TNS3: variants seen among roughly 807,000 people sequenced by gnomAD.
TNS3 encodes tensin-3.
A neutral mutation model predicts 140.9 loss-of-function variants in TNS3; 45 were observed. The observed-to-expected ratio is 0.32, with a 90% CI of 0.25 to 0.41. TNS3 has a LOEUF of 0.41. Ranked by LOEUF, TNS3 falls within the 10% of genes least tolerant of loss-of-function variation. The pLI, the probability that TNS3 is intolerant of heterozygous loss-of-function variation, is 1.00. For synonymous variants in TNS3, 815 were observed against 788.4 expected (o/e 1.03, Z -0.56); for missense variants, 1,716 against 1,906.7 (o/e 0.90, Z 1.86).
chr7:47,540,590 G>A (rs1302949040), intron 1 of TNS3, among the ~76,000 whole-genome samples: 7 of 152,082 alleles, frequency 4.6e-5, no homozygotes, highest in Non-Finnish European at 7.4e-5. Context: ...GAAATACAGC[G>A]GCTGGCTCAC....
chr7:47,287,373 T>A (rs771140570), intron 27 of TNS3, among the ~76,000 whole-genome samples: 1 of 152,162 alleles, frequency 6.6e-6, no homozygotes, highest in East Asian at 1.9e-4. Flanking sequence ...TCTTTGTGAG[T>A]TGTCTGCTAA....
intron 4 of TNS3, among the ~76,000 whole-genome samples, chr7:47,445,082 A>G (rs1795661525): frequency 6.6e-6 from 1 of 152,148 alleles, no homozygotes; most frequent in Non-Finnish European, 1.5e-5. Context: ...CCAATTTTCT[A>G]TGTAAGTCTA....
intron 30 of TNS3, chr7:47,278,895 G>T (rs1784995775): frequency 6.6e-6 from 1 of 152,180 alleles, no homozygotes; most frequent in Admixed American, 6.5e-5. Flanking sequence ...CCAGGTCCTG[G>T]GCAAAGGACT....
intron 16 of TNS3, among the ~76,000 whole-genome samples, chr7:47,371,905 G>A (rs1012131291): frequency 1.3e-5 from 2 of 152,160 alleles, no homozygotes; most frequent in East Asian, 1.9e-4. Flanking sequence ...CAGCTTCCCC[G>A]CTATAAAATG....
Position 47,581,869 on chromosome 7 carries a change from G to A in TNS3, c.-265+182C>T, listed in dbSNP as rs187406278. Reference sequence around the variant, plus strand: ...CCCCATCCCCGCGCCCTGAGCTCCCGTACCCCGCGCTCCCCGAACTCTGTC... The same window carrying A: ...CCCCATCCCCGCGCCCTGAGCTCCCATACCCCGCGCTCCCCGAACTCTGTC... On this transcript the variant is annotated intron_variant, in intron 1 of 30. Coordinates refer to ENST00000311160, the MANE Select transcript of TNS3 (RefSeq NM_022748.12). 1.4e-3 allele frequency among the ~76,000 whole-genome samples: 206 copies of A among 147,128 alleles called. 4 individuals are homozygous for A. The East Asian group carries it at 0.035, about 25-fold the overall frequency.
At chr7:47,363,137 C>T (rs1289387837) in intron 17 of TNS3, among the ~76,000 whole-genome samples, 2 of 72,856 alleles carry the variant, frequency 2.7e-5, no homozygotes, top group Non-Finnish European at 6.6e-5. Flanking sequence ...TCATCACTGT[C>T]ATCATCACCA....
intron 1 of TNS3, among the ~76,000 whole-genome samples, chr7:47,532,174 T>C (rs896552647): frequency 6.6e-6 from 1 of 152,032 alleles, no homozygotes; most frequent in African/African-American, 2.4e-5. Flanking sequence ...TGGGGACAAG[T>C]ACCAGGGCCT....
At chr7:47,522,292 A>G (rs2151921539) in intron 2 of TNS3, among the ~76,000 whole-genome samples, 1 of 152,212 alleles carries the variant, frequency 6.6e-6, no homozygotes, top group Admixed American at 6.5e-5. Flanking sequence ...GTGTCTCCCT[A>G]AGGCATTTCA....
intron 20 of TNS3, among the ~76,000 whole-genome samples, chr7:47,312,435 G>C (rs570620082): frequency 6.6e-6 from 1 of 151,968 alleles, no homozygotes; most frequent in Non-Finnish European, 1.5e-5. Flanking sequence ...TGGGTGCGGC[G>C]GGTCATGCCT....
intron 20 of TNS3, among the ~76,000 whole-genome samples, chr7:47,314,355 G>C (rs189808308): frequency 6.6e-6 from 1 of 152,178 alleles, no homozygotes; most frequent in Non-Finnish European, 1.5e-5. Context: ...ATGCTTAACG[G>C]AAGAGGAGAG....
At chr7:47,518,786 G>C (rs900384970) in intron 2 of TNS3, among the ~76,000 whole-genome samples, 1 of 152,332 alleles carries the variant, frequency 6.6e-6, no homozygotes, top group South Asian at 2.1e-4. Flanking sequence ...ACAACCCCTT[G>C]ATGAGTATCA....
Position 47,368,954 on chromosome 7 carries a change from C to T in TNS3, c.1692G>A (p.Gln564=). 1 of 1,613,734 alleles carries T rather than the reference C, an allele frequency of 6.2e-7. No homozygotes were observed. The highest frequency in any genetic ancestry group is 8.5e-7 in the Non-Finnish European group (1 of 1,179,914). The change falls in exon 17 of 31, where the codon CAG becomes CAA. Residue 564 remains glutamine, a synonymous_variant. Transcript: ENST00000311160. ...ACACTGAGGGCTTTCTCAGCAGGGG[C>T]TGGGGCTGCTTGGGCTCTCGACTCC... The part of the protein sequence containing the change: ...TFGSREPKQP[Q]PLLRKPSVSA...
intron 8 of TNS3, among the ~76,000 whole-genome samples, chr7:47,430,137 T>C (rs867567834): frequency 1.2e-4 from 18 of 151,532 alleles, no homozygotes; most frequent in Admixed American, 6.6e-4. Flanking sequence ...TTTTCTTTTT[T>C]TTTTTTTTGA....
intron 1 of TNS3, among the ~76,000 whole-genome samples, chr7:47,552,769 G>A (rs1338966120): frequency 6.6e-6 from 1 of 152,220 alleles, no homozygotes; most frequent in Admixed American, 6.5e-5. Context: ...TAGTGTTGAA[G>A]TGAAAGGAAG....
At chr7:47,448,923 G>A (rs913520165) in intron 4 of TNS3, among the ~76,000 whole-genome samples, 10 of 152,168 alleles carry the variant, frequency 6.6e-5, no homozygotes, top group African/African-American at 1.2e-4. Context: ...GCAGAATCTT[G>A]GGCCAGGGCA....
intron 17 of TNS3, among the ~76,000 whole-genome samples, chr7:47,365,390 A>G (rs1790630753): frequency 6.6e-6 from 1 of 151,404 alleles, no homozygotes; most frequent in African/African-American, 2.4e-5. Context: ...GGTTGCAGTG[A>G]GCCAAGATTG....
chr7:47,423,154 T>C (rs1015563141), intron 10 of TNS3, among the ~76,000 whole-genome samples: 96 of 152,180 alleles, frequency 6.3e-4, no homozygotes, highest in African/African-American at 2.2e-3. Context: ...CTGGAGAAAA[T>C]AGATACAAGG....
intron 7 of TNS3, 89 bp downstream of exon 7, chr7:47,437,174 C>A: frequency 3.5e-6 from 3 of 849,256 alleles, no homozygotes; most frequent in East Asian, 2.9e-5. Flanking sequence ...AGTCACATTC[C>A]ACAAAGACTA....
Position 47,388,931 on chromosome 7 carries a change from GAGA to G in TNS3, c.1024+7866_1024+7868del, listed in dbSNP as rs1442411023. Among the ~76,000 whole-genome samples the G allele has an allele frequency of 4.6e-5, 7 of 150,622 alleles. 2 individuals are homozygous for G. Among genetic ancestry groups the G allele is most frequent in the Middle Eastern group, 6.9e-3 (2 of 290 alleles). On this transcript the variant is annotated intron_variant, in intron 16 of 30. Coordinates refer to ENST00000311160, the MANE Select transcript of TNS3 (RefSeq NM_022748.12). ...AAGGGGAGAGGGAGAGGGAGGAGAA[GAGA>G]AGAAGAAGGAGAAGCAGAAACAGAA...
Sources: gnomAD v4.1 joint callset for allele counts (sites outside exome capture counted in the v4.1 genomes callset) on GRCh38, gnomAD v4.1.1 for gene constraint, MANE v1.5 for transcripts, NCBI Gene and HGNC (gene_info 2026-07-23, HGNC 2026-07-21) for gene names.